The following CDH18 variants were observed in gnomAD, a reference collection of about 807,000 sequenced individuals.
CDH18 encodes the protein cadherin-18.
Under a neutral mutation model 67.9 loss-of-function variants are expected in CDH18, and 31 were observed. The ratio of observed to expected loss-of-function variants is 0.46; its 90% CI spans 0.34 to 0.62. The LOEUF is 0.62. Ranked by LOEUF, CDH18 falls within the 20% of genes least tolerant of loss-of-function variation. The probability of loss-of-function intolerance (pLI) is 0.01; values close to 1 mark genes in which losing one functional copy is unlikely to be tolerated. For synonymous variants in CDH18, 362 were observed against 347.2 expected, an observed-to-expected ratio of 1.04 and a Z score of -0.48; for missense variants, 890 against 975.5, an observed-to-expected ratio of 0.91 and a Z score of 1.17.
At chr5:20,208,763 T>G (rs2126361273) in intron 2 of CDH18, among the ~76,000 whole-genome samples, 2 of 152,024 alleles carry the variant, frequency 1.3e-5, no homozygotes, top group South Asian at 2.1e-4. Flanking sequence ...GCCAAAGAAT[T>G]AATCAAGAAT....
intron 2 of CDH18, among the ~76,000 whole-genome samples, chr5:19,845,520 A>G (rs1782835419): frequency 6.6e-6 from 1 of 152,084 alleles, no homozygotes; most frequent in African/African-American, 2.4e-5. Context: ...TATGTCTGTT[A>G]AAGCCATTTG....
intron 1 of CDH18, among the ~76,000 whole-genome samples, chr5:20,549,533 A>C (rs899946175): frequency 6.6e-6 from 1 of 152,166 alleles, no homozygotes; most frequent in East Asian, 1.9e-4. Flanking sequence ...AATAACAGAG[A>C]ATATTATATT....
chr5:19,819,114 T>C (rs1035150297), intron 3 of CDH18, among the ~76,000 whole-genome samples: 2 of 151,856 alleles, frequency 1.3e-5, no homozygotes, highest in African/African-American at 4.8e-5. Context: ...TTATCATTTA[T>C]TATTACAAAG....
At chr5:20,290,390 G>A (rs1370379260) in intron 1 of CDH18, among the ~76,000 whole-genome samples, 1 of 152,144 alleles carries the variant, frequency 6.6e-6, no homozygotes, top group Non-Finnish European at 1.5e-5. Flanking sequence ...TGTGTGTGAA[G>A]ATTAGAGGTG....
chr5:19,796,829 GT>G (rs1776907198), intron 3 of CDH18, among the ~76,000 whole-genome samples: 1 of 152,022 alleles, frequency 6.6e-6, no homozygotes, highest in Non-Finnish European at 1.5e-5. Flanking sequence ...GTTGATATGT[GT>G]AGATGGTTAA....
At chr5:20,189,158 T>C (rs986315539) in intron 2 of CDH18, among the ~76,000 whole-genome samples, 2 of 152,120 alleles carry the variant, frequency 1.3e-5, no homozygotes, top group Non-Finnish European at 2.9e-5. Context: ...CAAGTCACTT[T>C]GCCTGTTTTT....
intron 1 of CDH18, among the ~76,000 whole-genome samples, chr5:20,269,264 T>C (rs1475991165): frequency 6.6e-6 from 1 of 152,138 alleles, no homozygotes; most frequent in Non-Finnish European, 1.5e-5. Context: ...AAGGGAACTC[T>C]TATACACTGT....
rs552863051 is a variant in CDH18, at chr5:19,869,592, A to G, written c.-256-30350T>C. On this transcript the variant is annotated intron_variant, in intron 2 of 12. Coordinates refer to ENST00000382275, the MANE Select transcript of CDH18 (RefSeq NM_004934.5). The stretch of plus-strand genomic sequence containing the variant: ...AATAATTCTACACAAAAATGCCTCA[A>G]AAAAACTTCCAATGTCACTTTATGA... Among the ~76,000 whole-genome samples the G allele has an allele frequency of 2.0e-5, 3 of 152,252 alleles. No homozygotes were observed. In the South Asian group the frequency reaches 6.2e-4, roughly 32 times the overall value.
intron 1 of CDH18, among the ~76,000 whole-genome samples, chr5:20,493,437 A>G (rs1753713461): frequency 6.7e-6 from 1 of 150,160 alleles, no homozygotes. Context: ...TATTTGTGGA[A>G]ATAAACAAAG....
intron 2 of CDH18, among the ~76,000 whole-genome samples, chr5:20,166,756 G>A (rs1736325068): frequency 6.6e-6 from 1 of 152,090 alleles, no homozygotes; most frequent in Admixed American, 6.6e-5. Flanking sequence ...CCATCTGACT[G>A]CAGCCTTTTG....
Position 20,440,871 on chromosome 5 carries a change from G to A in CDH18, c.-580+134591C>T, listed in dbSNP as rs141480795. Among the ~76,000 whole-genome samples, 495 of 152,080 alleles carry A rather than the reference G, an allele frequency of 3.3e-3. 10 individuals carry two copies. The highest frequency in any genetic ancestry group is 0.011 in the African/African-American group (461 of 41,364). On this transcript the variant is annotated intron_variant, in intron 1 of 14. Transcript: ENST00000507958. Reference sequence around the variant, plus strand: ...ACTGAGTTTTGGGAAATCATACATAGAATTGTTAAAATAAATGAAGTAAGA... The same window carrying A: ...ACTGAGTTTTGGGAAATCATACATAAAATTGTTAAAATAAATGAAGTAAGA...
chr5:20,351,078 C>A (rs1386104436), intron 1 of CDH18, among the ~76,000 whole-genome samples: 1 of 151,898 alleles, frequency 6.6e-6, no homozygotes, highest in Non-Finnish European at 1.5e-5. Flanking sequence ...TAAAATTGCA[C>A]CTCCCAGCAC....
chr5:19,884,516 A>C (rs1352340813), intron 2 of CDH18, among the ~76,000 whole-genome samples: 1 of 152,026 alleles, frequency 6.6e-6, no homozygotes, highest in Non-Finnish European at 1.5e-5. Context: ...AATTATAAAA[A>C]ATACATAAGT....
rs75462619 is a variant in CDH18 at position 19,716,439 on chromosome 5, T to A, written c.643+4908A>T. On this transcript the variant is annotated intron_variant, in intron 5 of 12. Coordinates refer to ENST00000382275, the MANE Select transcript of CDH18 (RefSeq NM_004934.5). ...CGTGACTCCAAATAGTATATTAATC[T>A]TTGGTAGAAAGGCCAAGTAAGCAGT... 4.6e-3 allele frequency among the ~76,000 whole-genome samples: 704 copies of A among 152,168 alleles called. 19 individuals carry two copies. In the East Asian group the frequency reaches 0.064, roughly 14 times the overall value.
intron 3 of CDH18, among the ~76,000 whole-genome samples, chr5:19,837,351 T>C (rs1781779130): frequency 6.6e-6 from 1 of 151,944 alleles, no homozygotes; most frequent in Admixed American, 6.6e-5. Context: ...GGCACGTGTA[T>C]ACCTATGCAA....
At position 20,499,292 on chromosome 5, in the gene CDH18, T is replaced by C. The variant is rs557397320; in HGVS notation, c.-580+76170A>G. On this transcript the variant is annotated intron_variant, in intron 1 of 14. Transcript: ENST00000507958. ...TATTTTAAATCATCTCTCTATTACT[T>C]AGAATACAAACTACAATGTAAATGC... Among the ~76,000 whole-genome samples the C allele has an allele frequency of 4.4e-4, 67 of 152,250 alleles. 2 individuals are homozygous for C. The highest frequency in any genetic ancestry group is 1.4e-3 in the African/African-American group (59 of 41,574).
At chr5:19,873,274 A>G (rs1023550691) in intron 2 of CDH18, among the ~76,000 whole-genome samples, 2 of 151,826 alleles carry the variant, frequency 1.3e-5, no homozygotes, top group East Asian at 3.9e-4. Flanking sequence ...TTAAAGTACC[A>G]TCTTTGTCCT....
chr5:20,191,578 G>T, intron 2 of CDH18, among the ~76,000 whole-genome samples: 1 of 151,840 alleles, frequency 6.6e-6, no homozygotes, highest in East Asian at 2.0e-4. Flanking sequence ...TGTTCTCAAC[G>T]TTCAACCCCC....
At chr5:19,890,708 C>CCTCAGCCT (rs1788699732) in intron 2 of CDH18, among the ~76,000 whole-genome samples, 2 of 151,988 alleles carry the variant, frequency 1.3e-5, no homozygotes, top group African/African-American at 4.8e-5. Flanking sequence ...GATTCTCCTC[C>CCTCAGCCT]CTCAGCCTCC....
Sources: gnomAD v4.1 joint callset for allele counts (sites outside exome capture counted in the v4.1 genomes callset) on GRCh38, gnomAD v4.1.1 for gene constraint, MANE v1.5 for transcripts, NCBI Gene and HGNC (gene_info 2026-07-23, HGNC 2026-07-21) for gene names.